XRN1: variants seen among roughly 807,000 people sequenced by gnomAD.
The protein encoded by XRN1 is strand-exchange protein 1 homolog.
Under a neutral mutation model 222.3 loss-of-function variants are expected in XRN1, and 67 were observed. That is an observed-to-expected ratio of 0.30 (90% CI 0.25 to 0.37). The LOEUF (loss-of-function observed/expected upper bound fraction) is 0.37. XRN1 is among the 10% of genes least tolerant of loss of function. XRN1 has a pLI of 1.00. For missense variants in XRN1, 1,707 were observed against 2,000.2 expected, an observed-to-expected ratio of 0.85 and a Z score of 2.80; for synonymous variants, 643 against 652.4, an observed-to-expected ratio of 0.99 and a Z score of 0.22.
intron 23 of XRN1, among the ~76,000 whole-genome samples, chr3:142,377,043 C>T (rs904140945): frequency 1.3e-5 from 2 of 151,882 alleles, no homozygotes; most frequent in African/African-American, 2.4e-5. Flanking sequence ...TCATCAAAAT[C>T]GTTGCTACTG....
intron 1 of XRN1, among the ~76,000 whole-genome samples, chr3:142,444,727 G>A (rs960110084): frequency 6.6e-6 from 1 of 151,986 alleles, no homozygotes; most frequent in African/African-American, 2.4e-5. Context: ...TAACACAAAG[G>A]ATAAATACTT....
At chr3:142,345,629 G>C (rs183238690) in intron 33 of XRN1, among the ~76,000 whole-genome samples, 1 of 152,108 alleles carries the variant, frequency 6.6e-6, no homozygotes, top group African/African-American at 2.4e-5. Context: ...CACAGAATGG[G>C]AGAAAATATT....
chr3:142,398,960 G>GA (rs2068027524), intron 19 of XRN1, among the ~76,000 whole-genome samples: 1 of 151,808 alleles, frequency 6.6e-6, no homozygotes, highest in South Asian at 2.1e-4. Context: ...CTCACTCCAA[G>GA]AAAAATTACA....
rs1385682212 is a variant in XRN1 at position 142,392,793 on chromosome 3, A to C, written c.2339+4536T>G. On this transcript the variant is annotated intron_variant, in intron 20 of 40. Coordinates refer to ENST00000392981, the MANE Select transcript of XRN1 (RefSeq NM_001282857.2). The stretch of plus-strand genomic sequence containing the variant: ...ACTGCTGCAATAAACATACGTGTGC[A>C]TGTGTCTTTATAGCAGCATGATTTA... 5.3e-5 allele frequency among the ~76,000 whole-genome samples: 8 copies of C among 151,898 alleles called. 1 individual carries two copies. The highest frequency in any genetic ancestry group is 1.9e-4 in the African/African-American group (8 of 41,204).
intron 20 of XRN1, among the ~76,000 whole-genome samples, chr3:142,389,797 G>C (rs2067648714): frequency 6.6e-6 from 1 of 152,324 alleles, no homozygotes; most frequent in Admixed American, 6.5e-5. Context: ...TGGGATTACA[G>C]GCATGTGCCA....
At chr3:142,354,175 T>C (rs1252723317) in intron 32 of XRN1, among the ~76,000 whole-genome samples, 1 of 151,882 alleles carries the variant, frequency 6.6e-6, no homozygotes, top group Non-Finnish European at 1.5e-5. Context: ...ACAAGAAACA[T>C]ATGAAAAAAA....
At chr3:142,361,138 T>C (rs2066616958) in intron 29 of XRN1, among the ~76,000 whole-genome samples, 1 of 152,214 alleles carries the variant, frequency 6.6e-6, no homozygotes, top group Non-Finnish European at 1.5e-5. Context: ...TGAAATAATA[T>C]AATGTGTATT....
At chr3:142,406,497 G>A (rs1288583886) in intron 15 of XRN1, among the ~76,000 whole-genome samples, 1 of 152,128 alleles carries the variant, frequency 6.6e-6, no homozygotes, top group African/African-American at 2.4e-5. Flanking sequence ...AGTCATATTT[G>A]GGAGAAAGTA....
Position 142,312,984 on chromosome 3 carries a change from C to T in XRN1, c.4622-226G>A, listed in dbSNP as rs961108744. 9.3e-6 allele frequency: 9 copies of T among 972,624 alleles called. No individual in the cohort carries two copies. In the African/African-American group the frequency reaches 1.3e-4, roughly 14 times the overall value. The allele number at this position is 972,624 out of a possible 1,614,324, so 60.2% of individuals were successfully genotyped here. On this transcript the variant is annotated intron_variant, in intron 39 of 40. Coordinates refer to ENST00000392981, the MANE Select transcript of XRN1 (RefSeq NM_001282857.2). The stretch of plus-strand genomic sequence containing the variant: ...CAAATGAATTTATCATTATACTGGC[C>T]TGAAAAGGAGAATACTACTACTAAT...
In XRN1 at chr3:142,376,472, A is replaced by G; in HGVS notation, c.2831+7T>C. ...ACTTTAAGTAAATTTCTCTAACATA[A>G]ACTTACTTTCTCCTAGATCCTCTTC... is the stretch of plus-strand genomic sequence containing the variant. On this transcript the variant is annotated splice_region_variant and intron_variant, in intron 24 of 40. Transcript: ENST00000392981. The G allele has an allele frequency of 6.3e-7, 1 of 1,599,344 alleles. No individual in the cohort carries two copies. The highest frequency in any genetic ancestry group is 8.6e-7 in the Non-Finnish European group (1 of 1,168,528).
chr3:142,425,210 A>C lies in XRN1; in HGVS notation c.627+12T>G. The C allele has an allele frequency of 6.5e-7, 1 of 1,528,048 alleles. No individual in the cohort carries two copies. The highest frequency in any genetic ancestry group is 2.3e-5 in the East Asian group (1 of 43,696). The allele number at this position is 1,528,048 out of a possible 1,614,324, so 94.7% of individuals were successfully genotyped here. A position where few individuals can be genotyped will look rare whatever the true frequency, so the allele number is the denominator to read the frequency against. On this transcript the variant is annotated intron_variant, in intron 5 of 40. Coordinates refer to ENST00000392981, the MANE Select transcript of XRN1 (RefSeq NM_001282857.2). ...CAATGCATAAGTTTATAATAATAAA[A>C]ATTATACCTACCAAGTCAGCATCTA...
In XRN1 at chr3:142,357,119, T is replaced by C; in HGVS notation, c.3465A>G (p.Arg1155=). Residue 1155 remains arginine, a splice_region_variant and synonymous_variant, in exon 31 of 41, where the codon AGA becomes AGG. Coordinates refer to ENST00000392981, the MANE Select transcript of XRN1 (RefSeq NM_001282857.2). ...DEEFPGGLTI[R]CSPGRGYRLP... is the part of the protein sequence containing the mutation. ...GTCGATAACCTCTACCAGGTGAGCA[T>C]CTAAAAGTAAAAGTTATATCAGGGT... 3 of 1,604,910 alleles carry C rather than the reference T, an allele frequency of 1.9e-6. 1 individual carries two copies. The highest frequency in any genetic ancestry group is 4.5e-5 in the East Asian group (2 of 44,546).
intron 20 of XRN1, among the ~76,000 whole-genome samples, chr3:142,387,753 G>T (rs2067561293): frequency 6.6e-6 from 1 of 152,178 alleles, no homozygotes; most frequent in Non-Finnish European, 1.5e-5. Context: ...AGAGATGTCT[G>T]GGTCATGGGG....
chr3:142,420,682 T>C (rs577684242), intron 10 of XRN1, among the ~76,000 whole-genome samples: 1 of 152,214 alleles, frequency 6.6e-6, no homozygotes, highest in South Asian at 2.1e-4. Context: ...TAAATAATTG[T>C]TTTTAATAAC....
chr3:142,432,782 C>T lies in XRN1; in HGVS notation c.187G>A (p.Asp63Asn), dbSNP rs760780232. ...FRISDDKIFT[D>N]IFHYLEVLFR... ...AACACCTCCAGGTAGTGAAAAATATCAGTAAAGATTTTATCATCTGAAATT... is the reference window on the plus strand; with the variant it reads ...AACACCTCCAGGTAGTGAAAAATATTAGTAAAGATTTTATCATCTGAAATT... The change falls in exon 2 of 41, where the codon GAT becomes AAT. Residue 63 changes from aspartate (D) to asparagine (N), a missense_variant. Physicochemically the swap from Asp to Asn is conservative, Grantham distance 23 (BLOSUM62 1). Transcript: ENST00000392981. 3.7e-6 allele frequency: 6 copies of T among 1,613,804 alleles called. No individual in the cohort carries two copies. The South Asian group carries it at 6.6e-5, about 18-fold the overall frequency.
chr3:142,354,076 G>A (rs1343295444), intron 32 of XRN1, among the ~76,000 whole-genome samples: 1 of 151,830 alleles, frequency 6.6e-6, no homozygotes, highest in Non-Finnish European at 1.5e-5. Context: ...AAAATCTTAA[G>A]AAAATTTATA....
rs150738969 is a variant in XRN1, at chr3:142,440,528, C to T, written c.75+7342G>A. Among the ~76,000 whole-genome samples, 777 of 152,138 alleles carry T rather than the reference C, an allele frequency of 5.1e-3. 9 individuals carry two copies. Among genetic ancestry groups the T allele is most frequent in the African/African-American group, 0.018 (755 of 41,476 alleles). On this transcript the variant is annotated intron_variant, in intron 1 of 40. Transcript: ENST00000392981. ...CCTCCTTTCCCTACCAAAGGCAGTA[C>T]CCCCTTAGACCCGAGGCCCAACAAG...
intron 33 of XRN1, among the ~76,000 whole-genome samples, chr3:142,340,873 A>C (rs2065973779): frequency 6.6e-6 from 1 of 152,210 alleles, no homozygotes; most frequent in African/African-American, 2.4e-5. Context: ...TCTCAAACAA[A>C]AGCTGAGGAA....
chr3:142,372,395 G>T (rs1384055673), intron 25 of XRN1, among the ~76,000 whole-genome samples: 2 of 152,176 alleles, frequency 1.3e-5, no homozygotes, highest in African/African-American at 4.8e-5. Flanking sequence ...CAACACCCGT[G>T]GAAGGGAAGG....
Sources: gnomAD v4.1 joint callset for allele counts (sites outside exome capture counted in the v4.1 genomes callset) on GRCh38, gnomAD v4.1.1 for gene constraint, MANE v1.5 for transcripts, NCBI Gene and HGNC (gene_info 2026-07-23, HGNC 2026-07-21) for gene names.